SLC25A26: variants seen among roughly 807,000 people sequenced by gnomAD.
The protein encoded by SLC25A26 is solute carrier family 25 member 26.
Under a neutral mutation model 37.8 loss-of-function variants are expected in SLC25A26, and 36 were observed. The ratio of observed to expected loss-of-function variants is 0.95; its 90% CI spans 0.73 to 1.26. SLC25A26 has a LOEUF of 1.26. SLC25A26 is among the 50% of genes most tolerant of loss of function. The pLI is 0.00. For missense variants in SLC25A26, 390 were observed against 331.1 expected (o/e 1.18, Z -1.38); for synonymous variants, 129 against 122.5 (o/e 1.05, Z -0.35).
chr3:66,173,486 A>G (rs759408654), intron 1 of SLC25A26, among the ~76,000 whole-genome samples: 3 of 152,184 alleles, frequency 2.0e-5, no homozygotes, highest in Non-Finnish European at 4.4e-5. Context: ...CCGGGAGTGG[A>G]TGTTTAAGCT....
At chr3:66,247,134 G>A (rs1284857441) in intron 3 of SLC25A26, among the ~76,000 whole-genome samples, 3 of 152,068 alleles carry the variant, frequency 2.0e-5, no homozygotes, top group African/African-American at 7.2e-5. Context: ...AAAGTGCTGG[G>A]ATTACAGGTG....
intron 5 of SLC25A26, among the ~76,000 whole-genome samples, chr3:66,308,062 G>T (rs775520148): frequency 6.6e-6 from 1 of 151,926 alleles, no homozygotes; most frequent in Admixed American, 6.6e-5. Flanking sequence ...CTTGATGGGG[G>T]TAGCATTGAA....
At chr3:66,373,804 A>T (rs1700485922) in intron 9 of SLC25A26, among the ~76,000 whole-genome samples, 1 of 152,120 alleles carries the variant, frequency 6.6e-6, no homozygotes, top group Admixed American at 6.5e-5. Flanking sequence ...TAGCTAGCTA[A>T]CTAAAAAGGG....
chr3:66,166,705 G>A (rs36145512), intron 1 of SLC25A26, among the ~76,000 whole-genome samples: 79,494 of 151,970 alleles, frequency 0.52, 21,543 homozygotes, highest in African/African-American at 0.66. Flanking sequence ...CCATTGCTGA[G>A]TGAGTACCCC....
At chr3:66,301,822 A>G (rs1410989504) in intron 5 of SLC25A26, among the ~76,000 whole-genome samples, 2 of 152,180 alleles carry the variant, frequency 1.3e-5, no homozygotes, top group Non-Finnish European at 2.9e-5. Flanking sequence ...GTCTGAAGGT[A>G]GCCTATCTGG....
intron 5 of SLC25A26, among the ~76,000 whole-genome samples, chr3:66,309,212 G>A (rs1421442476): frequency 6.6e-6 from 1 of 152,182 alleles, no homozygotes; most frequent in Non-Finnish European, 1.5e-5. Context: ...ACTATTCAGG[G>A]ATTCGACTTC....
chr3:66,181,148 T>A (rs2070698416), intron 1 of SLC25A26, among the ~76,000 whole-genome samples: 1 of 152,226 alleles, frequency 6.6e-6, no homozygotes, highest in Admixed American at 6.5e-5. Context: ...GTTTGGCAGT[T>A]CTAGGCAACT....
At chr3:66,189,447 G>C (rs1361461523) in intron 1 of SLC25A26, among the ~76,000 whole-genome samples, 2 of 151,336 alleles carry the variant, frequency 1.3e-5, no homozygotes, top group Non-Finnish European at 2.9e-5. Flanking sequence ...ACCTCTCCCT[G>C]TCTGTGACCC....
intron 9 of SLC25A26, among the ~76,000 whole-genome samples, chr3:66,374,576 C>A (rs1700534535): frequency 2.6e-5 from 4 of 152,176 alleles, no homozygotes; most frequent in Admixed American, 2.6e-4. Context: ...AAGAATCACA[C>A]CTTTCTCATT....
intron 5 of SLC25A26, among the ~76,000 whole-genome samples, chr3:66,322,306 A>G (rs2075716668): frequency 6.6e-6 from 1 of 152,194 alleles, no homozygotes; most frequent in South Asian, 2.1e-4. Context: ...TGAAGTTTAA[A>G]TATGTGACTA....
intron 5 of SLC25A26, among the ~76,000 whole-genome samples, chr3:66,287,926 C>A (rs1409616763): frequency 4.6e-5 from 7 of 152,214 alleles, no homozygotes; most frequent in Non-Finnish European, 1.0e-4. Flanking sequence ...TACACTATCA[C>A]TCAAACGTTT....
chr3:66,351,523 G>A (rs2076453225), intron 6 of SLC25A26, among the ~76,000 whole-genome samples: 1 of 152,034 alleles, frequency 6.6e-6, no homozygotes, highest in Non-Finnish European at 1.5e-5. Context: ...CTTATCCTTT[G>A]ACTTTGGATA....
At chr3:66,283,638 C>T (rs905572841) in intron 5 of SLC25A26, among the ~76,000 whole-genome samples, 1 of 152,148 alleles carries the variant, frequency 6.6e-6, no homozygotes, top group African/African-American at 2.4e-5. Context: ...ATGGTTAGCA[C>T]TTGATTACTG....
At chr3:66,193,887 C>G (rs36168555) in intron 1 of SLC25A26, among the ~76,000 whole-genome samples, 59,712 of 152,036 alleles carry the variant, frequency 0.39, 14,000 homozygotes, top group East Asian at 0.73. Context: ...AGAGGCTGTT[C>G]CTAACTGTCA....
chr3:66,295,880 A>G (rs535430744), intron 5 of SLC25A26, among the ~76,000 whole-genome samples: 27 of 151,780 alleles, frequency 1.8e-4, no homozygotes, highest in Non-Finnish European at 2.5e-4. Flanking sequence ...CAGCTTTGGG[A>G]AGCCGAGATG....
intron 5 of SLC25A26, among the ~76,000 whole-genome samples, chr3:66,316,328 A>C (rs1420854832): frequency 6.6e-6 from 1 of 151,930 alleles, no homozygotes; most frequent in East Asian, 1.9e-4. Context: ...GAATTCCCTC[A>C]GCATTTGCTT....
chr3:66,298,700 A>G (rs779484723), intron 5 of SLC25A26, among the ~76,000 whole-genome samples: 56 of 152,194 alleles, frequency 3.7e-4, no homozygotes, highest in Non-Finnish European at 7.4e-5. Context: ...AATGAGCACC[A>G]GTCACACTAC....
chr3:66,144,212 A>G (rs2070081365), intron 1 of SLC25A26, among the ~76,000 whole-genome samples: 1 of 152,116 alleles, frequency 6.6e-6, no homozygotes, highest in Non-Finnish European at 1.5e-5. Context: ...AGCAGAGGGA[A>G]GAGACTGAGC....
At chr3:66,304,729 C>G (rs938550568) in intron 5 of SLC25A26, among the ~76,000 whole-genome samples, 3 of 152,268 alleles carry the variant, frequency 2.0e-5, no homozygotes, top group South Asian at 2.1e-4. Flanking sequence ...ACTGATTAAC[C>G]ACCATGTGGG....
Sources: allele counts gnomAD v4.1 joint callset (sites outside exome capture counted in the v4.1 genomes callset), GRCh38; gene constraint gnomAD v4.1.1; transcripts MANE v1.5; gene names NCBI Gene and HGNC (gene_info 2026-07-23, HGNC 2026-07-21).